PDE4B: variants seen among roughly 807,000 people sequenced by gnomAD.
The protein encoded by PDE4B is 3',5'-cyclic-AMP phosphodiesterase 4B.
PDE4B carries 20 observed loss-of-function variants against 82.2 expected under a neutral mutation model. The observed-to-expected ratio is 0.24, with a 90% CI of 0.17 to 0.35. The LOEUF is 0.35. PDE4B is among the 10% of genes least tolerant of loss of function. PDE4B has a pLI of 1.00. For synonymous variants in PDE4B, 320 were observed against 318.9 expected, an observed-to-expected ratio of 1.00 and a Z score of -0.04; for missense variants, 655 against 907.2, an observed-to-expected ratio of 0.72 and a Z score of 3.57.
At chr1:66,353,849 A>G (rs1662021643) in intron 8 of PDE4B, among the ~76,000 whole-genome samples, 1 of 152,180 alleles carries the variant, frequency 6.6e-6, no homozygotes, top group Non-Finnish European at 1.5e-5. Context: ...ATCTCAAACA[A>G]TTCACCATTC....
rs1653416768 is a variant in PDE4B, at chr1:66,247,546, C to T, written c.368C>T (p.Thr123Ile). 6.2e-7 allele frequency: 1 copy of T among 1,612,994 alleles called. No individual in the cohort carries two copies. The highest frequency in any genetic ancestry group is 8.5e-7 in the Non-Finnish European group (1 of 1,179,420). ...SSSAGLVLHA[T>I]FPGHSQRRES... is the part of the protein sequence containing the mutation. ...TCCGCTGGGCTGGTACTTCACGCCA[C>T]CTTTCCTGGGCACAGCCAGCGCAGA... Residue 123 changes from threonine (T) to isoleucine (I), a missense_variant, in exon 4 of 17, where the codon ACC becomes ATC. Physicochemically the swap from Thr to Ile is moderately conservative, Grantham distance 89. Transcript: ENST00000341517.
At chr1:65,871,420 T>C (rs1233195843) in intron 1 of PDE4B, among the ~76,000 whole-genome samples, 1 of 152,242 alleles carries the variant, frequency 6.6e-6, no homozygotes, top group Non-Finnish European at 1.5e-5. Flanking sequence ...AATTCTAGTA[T>C]TAAACAGATG....
At chr1:66,022,479 C>T (rs1653185896) in intron 3 of PDE4B, among the ~76,000 whole-genome samples, 1 of 152,126 alleles carries the variant, frequency 6.6e-6, no homozygotes, top group Non-Finnish European at 1.5e-5. Context: ...GAGATATATG[C>T]CATCAGTACC....
At chr1:65,828,761 T>C (rs1298189891) in intron 1 of PDE4B, among the ~76,000 whole-genome samples, 1 of 152,182 alleles carries the variant, frequency 6.6e-6, no homozygotes, top group African/African-American at 2.4e-5. Flanking sequence ...TTAAAATATG[T>C]AATTATAACC....
At chr1:66,283,082 G>T (rs1444057818) in intron 7 of PDE4B, among the ~76,000 whole-genome samples, 2 of 152,102 alleles carry the variant, frequency 1.3e-5, no homozygotes, top group African/African-American at 4.8e-5. Context: ...AAAAGGAAGG[G>T]GACATGGTGC....
In PDE4B at chr1:66,197,032, A is replaced by G. The variant is rs181204195; in HGVS notation, c.282-50428A>G. On this transcript the variant is annotated intron_variant, in intron 3 of 16. Coordinates refer to ENST00000341517, the MANE Select transcript of PDE4B (RefSeq NM_002600.4). ...AAATAACAAAATTGGAATGCAAACCATACCAATTTGAAAACAGGCAAATAA... is the reference window on the plus strand; with the variant it reads ...AAATAACAAAATTGGAATGCAAACCGTACCAATTTGAAAACAGGCAAATAA... 3.9e-3 allele frequency among the ~76,000 whole-genome samples: 594 copies of G among 152,256 alleles called. 6 individuals are homozygous for G. Among genetic ancestry groups the G allele is most frequent in the African/African-American group, 0.014 (584 of 41,556 alleles).
intron 6 of PDE4B, among the ~76,000 whole-genome samples, chr1:66,261,131 G>A (rs7529504): frequency 0.14 from 21,730 of 152,062 alleles, 4,195 homozygotes; most frequent in African/African-American, 0.44. Flanking sequence ...CCTGAATAAT[G>A]GATTTCAGAC....
chr1:66,207,814 C>T (rs1235683502), intron 3 of PDE4B, among the ~76,000 whole-genome samples: 3 of 152,162 alleles, frequency 2.0e-5, no homozygotes, highest in African/African-American at 4.8e-5. Flanking sequence ...TGGATCTTCT[C>T]ATTCGTTTGT....
At position 66,368,819 on chromosome 1, in the gene PDE4B, G is replaced by A. The variant is rs367550787; in HGVS notation, c.1695G>A (p.Leu565=). The change falls in exon 16 of 17, where the codon CTG becomes CTA. Residue 565 remains leucine, a synonymous_variant. Transcript: ENST00000341517. The part of the protein sequence containing the change: ...VLRNMVHCAD[L]SNPTKSLELY... ...GCAACATGGTACACTGTGCAGACCT[G>A]AGCAACCCCACCAAGTCCTTGGAAT... 5.6e-6 allele frequency: 9 copies of A among 1,611,886 alleles called. No individual in the cohort carries two copies. Among genetic ancestry groups the A allele is most frequent in the Middle Eastern group, 1.6e-4 (1 of 6,074 alleles).
chr1:65,808,950 A>G (rs1278998646), intron 1 of PDE4B, among the ~76,000 whole-genome samples: 3 of 152,162 alleles, frequency 2.0e-5, no homozygotes, highest in South Asian at 2.1e-4. Flanking sequence ...GGCTTTTACA[A>G]TATGTTTAGG....
chr1:65,999,128 C>T (rs1651720272), intron 3 of PDE4B, among the ~76,000 whole-genome samples: 1 of 152,182 alleles, frequency 6.6e-6, no homozygotes, highest in South Asian at 2.1e-4. Flanking sequence ...GCCCAGCAAG[C>T]TTGCCAGCTG....
intron 7 of PDE4B, among the ~76,000 whole-genome samples, chr1:66,313,823 C>T (rs934311753): frequency 2.0e-5 from 3 of 152,142 alleles, no homozygotes; most frequent in Non-Finnish European, 4.4e-5. Flanking sequence ...AGCACAGTGG[C>T]CTGGAGAGTT....
At chr1:66,217,156 G>T (rs1238811000) in intron 3 of PDE4B, among the ~76,000 whole-genome samples, 4 of 152,026 alleles carry the variant, frequency 2.6e-5, no homozygotes. Flanking sequence ...TCTCCCAAGT[G>T]TGTCATTAGC....
chr1:65,812,781 A>T (rs887399790), intron 1 of PDE4B, among the ~76,000 whole-genome samples: 63 of 152,282 alleles, frequency 4.1e-4, no homozygotes, highest in African/African-American at 1.5e-3. Flanking sequence ...GAGAAGCTCT[A>T]TTCTAAAGTC....
intron 3 of PDE4B, among the ~76,000 whole-genome samples, chr1:66,159,610 A>G (rs1646569981): frequency 6.6e-6 from 1 of 152,202 alleles, no homozygotes; most frequent in Non-Finnish European, 1.5e-5. Context: ...ATCTGTTTGT[A>G]AAGTGCTATA....
chr1:66,236,591 A>AT (rs1557652189), intron 3 of PDE4B, among the ~76,000 whole-genome samples: 1 of 151,962 alleles, frequency 6.6e-6, no homozygotes, highest in African/African-American at 2.4e-5. Flanking sequence ...TTTACTAGTT[A>AT]TTTTTTGTTT....
intron 7 of PDE4B, among the ~76,000 whole-genome samples, chr1:66,295,257 G>A (rs1410214720): frequency 1.3e-5 from 2 of 152,102 alleles, no homozygotes; most frequent in Non-Finnish European, 2.9e-5. Context: ...GGTAGGGGCA[G>A]ACTAGATTAG....
intron 9 of PDE4B, among the ~76,000 whole-genome samples, chr1:66,358,896 A>G (rs1385792163): frequency 6.6e-6 from 1 of 152,238 alleles, no homozygotes; most frequent in African/African-American, 2.4e-5. Context: ...TGTCATTCCT[A>G]TCTTTTAAAA....
intron 1 of PDE4B, among the ~76,000 whole-genome samples, chr1:65,870,757 A>G (rs116679698): frequency 0.011 from 1,645 of 152,280 alleles, 33 homozygotes; most frequent in African/African-American, 0.038. Context: ...TATTATTACT[A>G]TATGGGTGTG....
Sources: allele counts gnomAD v4.1 joint callset (sites outside exome capture counted in the v4.1 genomes callset), GRCh38; gene constraint gnomAD v4.1.1; transcripts MANE v1.5; gene names NCBI Gene and HGNC (gene_info 2026-07-23, HGNC 2026-07-21).